The following CABYR variants were observed in gnomAD, a reference collection of about 807,000 sequenced individuals.
CABYR encodes the protein calcium binding tyrosine phosphorylation regulated, also known as calcium-binding tyrosine phosphorylation-regulated protein.
CABYR carries 31 observed loss-of-function variants against 36.1 expected under a neutral mutation model. That is an observed-to-expected ratio of 0.86 (90% confidence interval 0.64 to 1.16). The LOEUF is 1.16. Among genes scored for constraint, CABYR ranks in the 50% most tolerant of loss-of-function variants. CABYR has a pLI of 0.00. For missense variants in CABYR, 429 were observed against 455.8 expected, an observed-to-expected ratio of 0.94 and a Z score of 0.53; for synonymous variants, 146 against 160.7, an observed-to-expected ratio of 0.91 and a Z score of 0.69.
intron 3 of CABYR, 37 bp downstream of exon 3, chr18:24,143,450 G>A: frequency 8.3e-7 from 1 of 1,206,834 alleles, no homozygotes; most frequent in Non-Finnish European, 1.2e-6. Flanking sequence ...TAATAATGAT[G>A]TTTATTAATT....
rs574817967 is a variant in CABYR at position 24,145,023 on chromosome 18, C to T, written c.199+1610C>T. ...CATTGCAATCATCTCATTTCATAGA[C>T]CTCATGTGCCATATATTTAAGACAA... On this transcript the variant is annotated intron_variant, in intron 3 of 5. Coordinates refer to ENST00000399496, the MANE Select transcript of CABYR (RefSeq NM_153769.3). Among the ~76,000 whole-genome samples, 193 of 152,282 alleles carry T rather than the reference C, an allele frequency of 1.3e-3. 1 individual carries two copies. Among genetic ancestry groups the T allele is most frequent in the African/African-American group, 4.5e-3 (188 of 41,558 alleles).
At chr18:24,150,507 A>G in intron 3 of CABYR, 2 of 705,792 alleles carry the variant, frequency 2.8e-6, no homozygotes, top group Non-Finnish European at 3.5e-6. Context: ...TCAGAATGAG[A>G]TCTTTAGGAA....
intron 3 of CABYR, among the ~76,000 whole-genome samples, chr18:24,147,792 C>G (rs2085496551): frequency 6.6e-6 from 1 of 152,104 alleles, no homozygotes; most frequent in Non-Finnish European, 1.5e-5. Context: ...AACACAATCC[C>G]CCTCTGTCAT....
At chr18:24,147,210 A>G (rs1262412981) in intron 3 of CABYR, among the ~76,000 whole-genome samples, 1 of 138,172 alleles carries the variant, frequency 7.2e-6, no homozygotes, top group Non-Finnish European at 1.5e-5. Flanking sequence ...CTGTGATCAC[A>G]CCACTGCACT....
At chr18:24,142,435 C>A (rs991914794) in intron 1 of CABYR, among the ~76,000 whole-genome samples, 3 of 152,086 alleles carry the variant, frequency 2.0e-5, no homozygotes, top group African/African-American at 7.2e-5. Flanking sequence ...AGGGCCAGTG[C>A]CTGTGTGGTT....
At chr18:24,156,623 T>C in intron 4 of CABYR, 1 of 1,614,198 alleles carries the variant, frequency 6.2e-7, no homozygotes, top group Non-Finnish European at 8.5e-7. Context: ...ATGCAAAATA[T>C]TCCTCAGTAT....
intron 3 of CABYR, among the ~76,000 whole-genome samples, chr18:24,153,482 T>C (rs1406919640): frequency 6.6e-6 from 1 of 152,178 alleles, no homozygotes; most frequent in Non-Finnish European, 1.5e-5. Context: ...TGACATCTAG[T>C]GCACCTTTGG....
chr18:24,160,191 C>G, intron 5 of CABYR, 122 bp downstream of exon 5: 1 of 728,840 alleles, frequency 1.4e-6, no homozygotes, highest in Non-Finnish European at 2.3e-6. Context: ...TTGGGGTATA[C>G]TCTAACTTCC....
At chr18:24,141,046 G>A (rs1599367370) in intron 1 of CABYR, among the ~76,000 whole-genome samples, 1 of 152,102 alleles carries the variant, frequency 6.6e-6, no homozygotes, top group East Asian at 1.9e-4. Flanking sequence ...ATTTCCATTT[G>A]GGTATATACC....
chr18:24,160,720 A>C (rs2085945427), intron 5 of CABYR: 1 of 152,798 alleles, frequency 6.5e-6, no homozygotes, highest in Admixed American at 6.5e-5. Context: ...ACAGACAAAA[A>C]AGTGTATTAC....
In CABYR at chr18:24,159,915, C is replaced by T. The variant is rs756663825; in HGVS notation, c.985C>T (p.Pro329Ser). ...ACAAGATGTCCCCAGGCCAAAAAGC[C>T]CTGTTTTCCTTTCTGTTGCTTTCCC... ...SGQDVPRPKS[P>S]VFLSVAFPVE... is the part of the protein sequence containing the mutation. The change falls in exon 5 of 6, where the codon CCT becomes TCT. Residue 329 changes from proline (P) to serine (S), a missense_variant. Physicochemically the swap from Pro to Ser is moderately conservative, Grantham distance 74. Transcript: ENST00000399496. 5 of 1,614,122 alleles carry T rather than the reference C, an allele frequency of 3.1e-6. No individual in the cohort carries two copies. In the South Asian group the frequency reaches 4.4e-5, roughly 14 times the overall value.
chr18:24,146,197 G>A (rs993743244), intron 3 of CABYR, among the ~76,000 whole-genome samples: 19 of 152,152 alleles, frequency 1.2e-4, no homozygotes, highest in South Asian at 2.1e-4. Flanking sequence ...ATTTTGAAAA[G>A]ATGGAAAATA....
chr18:24,153,586 G>A (rs940697537), intron 3 of CABYR, among the ~76,000 whole-genome samples: 4 of 152,068 alleles, frequency 2.6e-5, no homozygotes, highest in Non-Finnish European at 4.4e-5. Flanking sequence ...AGCTGAGACT[G>A]TTCTTATGTC....
chr18:24,151,610 T>C (rs1235441614), intron 3 of CABYR, among the ~76,000 whole-genome samples: 1 of 152,036 alleles, frequency 6.6e-6, no homozygotes, highest in East Asian at 1.9e-4. Flanking sequence ...TATATGTGTA[T>C]AGTAACTAGT....
intron 4 of CABYR, among the ~76,000 whole-genome samples, chr18:24,158,196 C>T (rs928077283): frequency 2.6e-5 from 4 of 152,144 alleles, no homozygotes; most frequent in Non-Finnish European, 5.9e-5. Flanking sequence ...AAACCTCTCT[C>T]CCTGTGAGAC....
At chr18:24,143,759 C>T (rs949645865) in intron 3 of CABYR, among the ~76,000 whole-genome samples, 1 of 152,086 alleles carries the variant, frequency 6.6e-6, no homozygotes, top group Non-Finnish European at 1.5e-5. Context: ...TAGACTTGAA[C>T]TCCTGGATGC....
intron 4 of CABYR, chr18:24,157,136 A>G (rs1200605949): frequency 4.6e-6 from 3 of 656,174 alleles, no homozygotes; most frequent in Non-Finnish European, 7.9e-6. Flanking sequence ...AAAGCCATTT[A>G]AAGACTTTGT....
intron 3 of CABYR, among the ~76,000 whole-genome samples, chr18:24,147,495 A>T (rs1208460862): frequency 6.6e-6 from 1 of 152,158 alleles, no homozygotes; most frequent in Non-Finnish European, 1.5e-5. Context: ...AAATTTTTTT[A>T]AAAAAGGAAA....
At chr18:24,150,088 A>C (rs776897134) in intron 3 of CABYR, among the ~76,000 whole-genome samples, 23 of 152,272 alleles carry the variant, frequency 1.5e-4, no homozygotes, top group Non-Finnish European at 2.9e-4. Context: ...AAGGGCTCTG[A>C]GGACTGCAGC....
Sources: gnomAD v4.1 joint callset for allele counts (sites outside exome capture counted in the v4.1 genomes callset) on GRCh38, gnomAD v4.1.1 for gene constraint, MANE v1.5 for transcripts, NCBI Gene and HGNC (gene_info 2026-07-23, HGNC 2026-07-21) for gene names.